The following KCNJ15 variants were observed in gnomAD, a reference collection of about 807,000 sequenced individuals.
The protein encoded by KCNJ15 is potassium inwardly rectifying channel subfamily J member 15.
In KCNJ15, 14 loss-of-function variants were observed where a neutral mutation model predicts 23.0. That is an observed-to-expected ratio of 0.61 (90% CI 0.40 to 0.95). The LOEUF is 0.95. Among genes scored for constraint, KCNJ15 ranks in the 40% least tolerant of loss-of-function variants. KCNJ15 has a pLI of 0.00. For missense variants in KCNJ15, 388 were observed against 461.8 expected, an observed-to-expected ratio of 0.84 and a Z score of 1.46; for synonymous variants, 185 against 183.2, an observed-to-expected ratio of 1.01 and a Z score of -0.08.
chr21:38,294,704 G>C (rs1670312293), intron 1 of KCNJ15, among the ~76,000 whole-genome samples: 2 of 152,206 alleles, frequency 1.3e-5, no homozygotes, highest in Admixed American at 6.5e-5. Context: ...AACACTGGAA[G>C]TGTAGTTCTC....
Position 38,302,140 on chromosome 21 carries a change from T to G in KCNJ15, c.*1751T>G, listed in dbSNP as rs1003005987. 1.3e-5 allele frequency: 2 copies of G among 152,238 alleles called. No individual in the cohort carries two copies. The highest frequency in any genetic ancestry group is 2.9e-5 in the Non-Finnish European group (2 of 68,050). The allele number at this position is 152,238 out of a possible 1,614,324, so 9.4% of individuals were successfully genotyped here. A position where few individuals can be genotyped will look rare whatever the true frequency, so the allele number is the denominator to read the frequency against. Reference sequence around the variant, plus strand: ...ATGGTAGTCATCAGTGAAAGACATTTGAGGTTAAGACAGCAAGTCCTTGAC... The same window carrying G: ...ATGGTAGTCATCAGTGAAAGACATTGGAGGTTAAGACAGCAAGTCCTTGAC... On this transcript the variant is annotated 3_prime_UTR_variant, in exon 3 of 3. Transcript: ENST00000398938.
At chr21:38,270,696 A>G (rs1981979098) in intron 1 of KCNJ15, among the ~76,000 whole-genome samples, 1 of 152,200 alleles carries the variant, frequency 6.6e-6, no homozygotes, top group Non-Finnish European at 1.5e-5. Flanking sequence ...GCATAATATC[A>G]AATGAACTTG....
intron 1 of KCNJ15, among the ~76,000 whole-genome samples, chr21:38,277,738 A>G (rs1437663197): frequency 2.6e-5 from 4 of 152,342 alleles, no homozygotes; most frequent in East Asian, 1.9e-4. Flanking sequence ...AAAAATGTGC[A>G]CTATAAATCA....
intron 1 of KCNJ15, among the ~76,000 whole-genome samples, chr21:38,295,745 A>G (rs943392755): frequency 6.6e-6 from 1 of 152,268 alleles, no homozygotes; most frequent in African/African-American, 2.4e-5. Flanking sequence ...AAGAGTATGT[A>G]TCAACACTGA....
rs771660182 is a variant in KCNJ15, at chr21:38,299,900, T to C, written c.639T>C (p.Ser213=). The stretch of plus-strand genomic sequence containing the variant: ...GCCTCTTGATTCAGTGCCAGCTCTC[T>C]GGCAAGCTCCTGCAGACCCACGTCA... The part of the protein sequence containing the change: ...RKSLLIQCQL[S]GKLLQTHVTK... The change falls in exon 3 of 3, where the codon TCT becomes TCC. Residue 213 remains serine (S), a synonymous_variant. Transcript: ENST00000398938. The surrounding 1 kb of genome is among the most constrained non-coding windows in gnomAD (Gnocchi z 4.5). The C allele has an allele frequency of 9.9e-6, 16 of 1,613,950 alleles. No individual in the cohort carries two copies. In the East Asian group the frequency reaches 3.3e-4, roughly 34 times the overall value.
chr21:38,275,738 C>T (rs1431876530), intron 1 of KCNJ15, among the ~76,000 whole-genome samples: 1 of 152,112 alleles, frequency 6.6e-6, no homozygotes, highest in African/African-American at 2.4e-5. Context: ...TTGAAAGTCG[C>T]TGATAATTGA....
At chr21:38,287,292 G>C (rs78591734) in intron 1 of KCNJ15, among the ~76,000 whole-genome samples, 4,188 of 152,306 alleles carry the variant, frequency 0.027, 74 homozygotes, top group Non-Finnish European at 0.038. Context: ...TGTTTTCAGA[G>C]TTTTTAGTAC....
At chr21:38,277,958 G>A (rs1982903386) in intron 1 of KCNJ15, among the ~76,000 whole-genome samples, 1 of 152,160 alleles carries the variant, frequency 6.6e-6, no homozygotes, top group Admixed American at 6.5e-5. Flanking sequence ...AGGGTACAAA[G>A]GTGGACATGG....
intron 1 of KCNJ15, among the ~76,000 whole-genome samples, chr21:38,236,632 GT>G (rs1172465304): frequency 6.6e-6 from 1 of 152,126 alleles, no homozygotes; most frequent in East Asian, 1.9e-4. Context: ...CCATTTTCCA[GT>G]GATGGAAACA....
At chr21:38,282,044 G>T (rs1354702703) in intron 1 of KCNJ15, among the ~76,000 whole-genome samples, 1 of 152,028 alleles carries the variant, frequency 6.6e-6, no homozygotes, top group Admixed American at 6.5e-5. Context: ...TTTCAAGTTT[G>T]TTGACTGTTT....
intron 1 of KCNJ15, among the ~76,000 whole-genome samples, chr21:38,265,772 A>C (rs1481179052): frequency 1.3e-5 from 2 of 152,240 alleles, no homozygotes; most frequent in Admixed American, 1.3e-4. Flanking sequence ...CCAAAGCACA[A>C]GAAAGGCTGC....
intron 1 of KCNJ15, among the ~76,000 whole-genome samples, chr21:38,243,668 C>T (rs923632017): frequency 2.0e-5 from 3 of 152,142 alleles, no homozygotes; most frequent in African/African-American, 4.8e-5. Flanking sequence ...GTGATCTGCC[C>T]GCCTCGGCCT....
chr21:38,297,208 T>A (rs1255684841), intron 2 of KCNJ15, among the ~76,000 whole-genome samples, 185 bp downstream of exon 2: 1 of 151,884 alleles, frequency 6.6e-6, no homozygotes, highest in Non-Finnish European at 1.5e-5. Flanking sequence ...ATAGGAGGTA[T>A]GATAGATGCC....
At chr21:38,283,173 T>A (rs1268562498) in intron 1 of KCNJ15, among the ~76,000 whole-genome samples, 1 of 151,804 alleles carries the variant, frequency 6.6e-6, no homozygotes, top group Non-Finnish European at 1.5e-5. Flanking sequence ...TTCATAATGT[T>A]TGGCCACAAC....
upstream of KCNJ15, among the ~76,000 whole-genome samples, chr21:38,256,477 T>A (rs1347814540): frequency 6.6e-6 from 1 of 151,372 alleles, no homozygotes; most frequent in Non-Finnish European, 1.5e-5. Flanking sequence ...TTTGCTTAGG[T>A]ATGTTTGACA....
At chr21:38,274,254 C>G (rs959513904) in intron 1 of KCNJ15, among the ~76,000 whole-genome samples, 2 of 152,226 alleles carry the variant, frequency 1.3e-5, no homozygotes, top group Admixed American at 1.3e-4. Flanking sequence ...TTCTTCATCT[C>G]TTGTTGCCTC....
rs2836267 is a variant in KCNJ15, at chr21:38,272,728, A to G, written c.-117+15543A>G. ...TCTGCTGTTTTTAATTTCAAGTAGT[A>G]TAAATCTTACTGATCTGAAGAAGAC... On this transcript the variant is annotated intron_variant, in intron 1 of 2. Coordinates refer to ENST00000398938, the MANE Select transcript of KCNJ15 (RefSeq NM_170736.3). 0.34 allele frequency among the ~76,000 whole-genome samples: 51,920 copies of G among 152,100 alleles called. 9,498 individuals are homozygous for G. Among genetic ancestry groups the G allele is most frequent in the African/African-American group, 0.46 (19,268 of 41,482 alleles).
Position 38,300,449 on chromosome 21 carries a change from A to C in KCNJ15, c.*60A>C. ...CTGTTTCCACATCAGAACTCCCTTCAAACACAAAGATTGCTGTGAAAACGA... is the reference window on the plus strand; with the variant it reads ...CTGTTTCCACATCAGAACTCCCTTCCAACACAAAGATTGCTGTGAAAACGA... On this transcript the variant is annotated 3_prime_UTR_variant, in exon 3 of 3. Transcript: ENST00000398938. The C allele has an allele frequency of 2.1e-6, 3 of 1,453,644 alleles. No homozygotes were observed. The highest frequency in any genetic ancestry group is 2.2e-5 in the Admixed American group (1 of 44,922). 90.0% of individuals were successfully genotyped at this position (1,453,644 alleles called of 1,614,324 possible).
chr21:38,297,370 G>A (rs1488715009), intron 2 of KCNJ15, among the ~76,000 whole-genome samples: 2 of 152,188 alleles, frequency 1.3e-5, no homozygotes, highest in South Asian at 4.1e-4. Context: ...TAAAAACAGG[G>A]CCAAGCTTTC....
Sources: allele counts gnomAD v4.1 joint callset (sites outside exome capture counted in the v4.1 genomes callset), GRCh38; gene constraint gnomAD v4.1.1; non-coding constraint Gnocchi (gnomAD v3.1); transcripts MANE v1.5; gene names NCBI Gene and HGNC (gene_info 2026-07-23, HGNC 2026-07-21).